The following RIMS1 variants were observed in gnomAD, a reference collection of about 807,000 sequenced individuals.
RIMS1 encodes regulating synaptic membrane exocytosis protein 1.
In RIMS1, 83 loss-of-function variants were observed where a neutral mutation model predicts 214.1. The ratio of observed to expected loss-of-function variants is 0.39; its 90% CI spans 0.32 to 0.47. The LOEUF is 0.47. Among genes scored for constraint, RIMS1 ranks in the 20% least tolerant of loss-of-function variants. RIMS1 has a pLI of 0.99. For synonymous variants in RIMS1, 793 were observed against 786.8 expected (o/e 1.01, Z -0.13); for missense variants, 2,050 against 2,161.8 (o/e 0.95, Z 1.03).
intron 16 of RIMS1, 30 bp from the exon 17 acceptor site, chr6:72,258,095 C>T (rs1563164190): frequency 1.2e-6 from 2 of 1,600,286 alleles, no homozygotes; most frequent in Admixed American, 1.7e-5. Context: ...AGAATACTGA[C>T]TAAATTTTTT....
At position 72,266,002 on chromosome 6, in the gene RIMS1, C is replaced by T. The variant is rs765761581; in HGVS notation, c.3351C>T (p.Thr1117=). The change falls in exon 22 of 34, where the codon ACC becomes ACT. Residue 1117 remains threonine (T), a synonymous_variant. Coordinates refer to ENST00000521978, the MANE Select transcript of RIMS1 (RefSeq NM_014989.7). The part of the protein sequence containing the change: ...PFLDRARSAS[T]NCLRPDTSLH... ...TTGACAGGGCTAGGAGTGCTAGTAC[C>T]AACTGCTTGAGACCAGATACTAGTT... 4 of 1,585,086 alleles carry T rather than the reference C, an allele frequency of 2.5e-6. No homozygotes were observed. Among genetic ancestry groups the T allele is most frequent in the Non-Finnish European group, 2.6e-6 (3 of 1,164,434 alleles).
At chr6:72,250,532 G>T in intron 13 of RIMS1, 72 bp downstream of exon 13, 1 of 1,147,296 alleles carries the variant, frequency 8.7e-7, no homozygotes, top group Non-Finnish European at 1.2e-6. Context: ...TTCTCTTTTG[G>T]GATGTTTTTA....
chr6:71,984,797 C>A (rs1269976419), intron 2 of RIMS1, among the ~76,000 whole-genome samples: 30 of 151,908 alleles, frequency 2.0e-4, no homozygotes, highest in African/African-American at 7.0e-4. Flanking sequence ...ATCTATCTAT[C>A]TATCTATCTA....
chr6:72,289,146 A>C lies in RIMS1; in HGVS notation c.3555-1533A>C, dbSNP rs528871814. ...TTAGTGCTTGTGAATTGCTTTAAGG[A>C]ATGGAGCAAGATTTAAGTGAAATTG... On this transcript the variant is annotated intron_variant, in intron 24 of 33. Coordinates refer to ENST00000521978, the MANE Select transcript of RIMS1 (RefSeq NM_014989.7). 4.3e-4 allele frequency among the ~76,000 whole-genome samples: 65 copies of C among 152,292 alleles called. 1 individual carries two copies. The highest frequency in any genetic ancestry group is 1.5e-3 in the African/African-American group (61 of 41,566).
At chr6:72,392,672 T>C in intron 30 of RIMS1, 26 bp from the exon 31 acceptor site, 2 of 1,511,776 alleles carry the variant, frequency 1.3e-6, no homozygotes, top group Non-Finnish European at 1.8e-6. Context: ...GGTTTTTTCC[T>C]TTGGTTTTTA....
chr6:72,036,224 T>C (rs1240466043), intron 2 of RIMS1, among the ~76,000 whole-genome samples: 1 of 152,158 alleles, frequency 6.6e-6, no homozygotes, highest in East Asian at 1.9e-4. Flanking sequence ...GTTGTTCTTT[T>C]AAGAGCTGGA....
rs1235343954 is a variant in RIMS1 at position 71,886,554 on chromosome 6, T to C, written c.-470T>C. 6.5e-6 allele frequency: 1 copy of C among 152,864 alleles called. No homozygotes were observed. Among genetic ancestry groups the C allele is most frequent in the Admixed American group, 6.6e-5 (1 of 15,266 alleles). The allele number at this position is 152,864 out of a possible 1,614,324, so 9.5% of individuals were successfully genotyped here. A position where few individuals can be genotyped will look rare whatever the true frequency, so the allele number is the denominator to read the frequency against. ...CCCTCTCCCTCCCGCAGCCCCAAATTGGAGGCAGCAGAGCCTGGGAGCAGC... is the reference window on the plus strand; with the variant it reads ...CCCTCTCCCTCCCGCAGCCCCAAATCGGAGGCAGCAGAGCCTGGGAGCAGC... On this transcript the variant is annotated 5_prime_UTR_variant, in exon 1 of 34. Coordinates refer to ENST00000521978, the MANE Select transcript of RIMS1 (RefSeq NM_014989.7).
Position 72,333,729 on chromosome 6 carries a change from G to A in RIMS1, c.4260G>A (p.Val1420=). ...ACGGCAGCCAGTCAGACACAGCTGT[G>A]GGTACAGTTGGAGCAGGTGGAAAGA... is the stretch of plus-strand genomic sequence containing the variant. ...HNDGSQSDTA[V]GTVGAGGKKR... The change falls in exon 29 of 34, where the codon GTG becomes GTA. Residue 1420 remains valine (V), a synonymous_variant. Transcript: ENST00000521978. 6.3e-7 allele frequency: 1 copy of A among 1,599,076 alleles called. No individual in the cohort carries two copies. The highest frequency in any genetic ancestry group is 2.3e-5 in the East Asian group (1 of 44,044).
At chr6:72,251,867 T>C (rs6904196) in intron 15 of RIMS1, among the ~76,000 whole-genome samples, 107,153 of 151,996 alleles carry the variant, frequency 0.7, 38,671 homozygotes, top group East Asian at 0.98. Flanking sequence ...TGCGCCACCA[T>C]GCCTGGCTAA....
chr6:72,280,771 A>G (rs2089708393), intron 23 of RIMS1, among the ~76,000 whole-genome samples: 1 of 152,058 alleles, frequency 6.6e-6, no homozygotes, highest in Non-Finnish European at 1.5e-5. Flanking sequence ...TAAGTTTTAT[A>G]TTTTTATAGA....
At chr6:72,081,879 A>T (rs749328931) in intron 2 of RIMS1, among the ~76,000 whole-genome samples, 2 of 152,212 alleles carry the variant, frequency 1.3e-5, no homozygotes, top group African/African-American at 2.4e-5. Flanking sequence ...TTTTATATGC[A>T]TATTAACAAT....
At chr6:72,041,479 A>T (rs1821420410) in intron 2 of RIMS1, among the ~76,000 whole-genome samples, 1 of 151,838 alleles carries the variant, frequency 6.6e-6, no homozygotes, top group Non-Finnish European at 1.5e-5. Flanking sequence ...AAAGCGGAAA[A>T]ATGAGATCAA....
At chr6:72,120,163 ATACCCAGT>A (rs1252026036) in intron 4 of RIMS1, among the ~76,000 whole-genome samples, 1 of 151,946 alleles carries the variant, frequency 6.6e-6, no homozygotes, top group Non-Finnish European at 1.5e-5. Flanking sequence ...CTTTGGGTAT[ATACCCAGT>A]AATGGGATGG....
intron 2 of RIMS1, among the ~76,000 whole-genome samples, chr6:72,006,376 G>T (rs539422812): frequency 4.2e-4 from 64 of 152,222 alleles, no homozygotes; most frequent in Non-Finnish European, 7.9e-4. Flanking sequence ...AATAGGAACA[G>T]CTCCAGTCTA....
chr6:72,210,695 T>C (rs2053656208), intron 6 of RIMS1, among the ~76,000 whole-genome samples: 1 of 152,206 alleles, frequency 6.6e-6, no homozygotes, highest in African/African-American at 2.4e-5. Flanking sequence ...ATTATTGCTT[T>C]TGTTGAATTC....
intron 29 of RIMS1, among the ~76,000 whole-genome samples, chr6:72,370,466 C>T (rs971451986): frequency 6.6e-6 from 1 of 152,144 alleles, no homozygotes; most frequent in African/African-American, 2.4e-5. Flanking sequence ...CAAGTATCTC[C>T]TCCTCAGCAG....
At chr6:72,290,904 G>T in intron 25 of RIMS1, 43 bp downstream of exon 25, 1 of 1,586,946 alleles carries the variant, frequency 6.3e-7, no homozygotes, top group Non-Finnish European at 8.6e-7. Flanking sequence ...TCCTGCCTCC[G>T]GGTGTTGGTG....
chr6:72,092,269 TTCCCTCCC>T (rs1043912468), intron 2 of RIMS1, among the ~76,000 whole-genome samples: 1 of 114,904 alleles, frequency 8.7e-6, no homozygotes, highest in South Asian at 3.3e-4. Context: ...TCCTCCTTCC[TTCCCTCCC>T]TCCCTCCCTC....
chr6:72,077,388 A>G (rs1832191156), intron 2 of RIMS1, among the ~76,000 whole-genome samples: 1 of 152,194 alleles, frequency 6.6e-6, no homozygotes, highest in African/African-American at 2.4e-5. Context: ...TTATATCACC[A>G]GTGCCTCAAA....
Sources: allele counts gnomAD v4.1 joint callset (sites outside exome capture counted in the v4.1 genomes callset), GRCh38; gene constraint gnomAD v4.1.1; transcripts MANE v1.5; gene names NCBI Gene and HGNC (gene_info 2026-07-23, HGNC 2026-07-21).